The following KATNBL1 variants were observed in gnomAD, a reference collection of about 807,000 sequenced individuals.
The protein encoded by KATNBL1 is KATNB1-like protein 1.
In KATNBL1, 28 loss-of-function variants were observed where a neutral mutation model predicts 44.7. The ratio of observed to expected loss-of-function variants is 0.63; its 90% CI spans 0.46 to 0.86. The LOEUF is 0.86. Among genes scored for constraint, KATNBL1 ranks in the 40% least tolerant of loss-of-function variants. The pLI is 0.00. For synonymous variants in KATNBL1, 78 were observed against 114.9 expected, an observed-to-expected ratio of 0.68 and a Z score of 2.06; for missense variants, 272 against 350.7, an observed-to-expected ratio of 0.78 and a Z score of 1.79.
rs551145782 is a variant in KATNBL1, at chr15:34,165,517, T to C, written c.-14-1827A>G. 3.9e-5 allele frequency among the ~76,000 whole-genome samples: 6 copies of C among 152,184 alleles called. No individual in the cohort carries two copies. The East Asian group carries it at 1.2e-3, about 29-fold the overall frequency. On this transcript the variant is annotated intron_variant, in intron 1 of 9. Transcript: ENST00000256544. ...TGCAAAGCTAAAAGTGGTAACTTGA[T>C]CAGGTGTGGTGGCTCATGCCTGTAA...
At chr15:34,182,570 G>A (rs1889599573) in intron 1 of KATNBL1, among the ~76,000 whole-genome samples, 1 of 151,996 alleles carries the variant, frequency 6.6e-6, no homozygotes, top group African/African-American at 2.4e-5. Flanking sequence ...TCAGTCCCAC[G>A]AATATTGGGA....
At chr15:34,189,799 AAG>A (rs1307547940) in intron 1 of KATNBL1, among the ~76,000 whole-genome samples, 1 of 152,226 alleles carries the variant, frequency 6.6e-6, no homozygotes, top group Non-Finnish European at 1.5e-5. Context: ...TTCTGTTCAA[AAG>A]AGAAAATCAA....
intron 1 of KATNBL1, among the ~76,000 whole-genome samples, chr15:34,177,658 C>T (rs1889377952): frequency 3.2e-5 from 2 of 61,544 alleles, no homozygotes; most frequent in South Asian, 1.2e-3. Flanking sequence ...TTAAACAGCT[C>T]GAAGTGTTCA....
intron 9 of KATNBL1, chr15:34,145,094 C>A: frequency 1.9e-6 from 2 of 1,057,978 alleles, no homozygotes; most frequent in South Asian, 2.9e-5. Flanking sequence ...TTTTCTGATG[C>A]TGTCCTTATT....
At chr15:34,154,734 G>A (rs534358406) in intron 2 of KATNBL1, 50 bp from the exon 3 acceptor site, 51 of 1,244,340 alleles carry the variant, frequency 4.1e-5, no homozygotes, top group African/African-American at 1.5e-4. Context: ...GCTTGGTGCC[G>A]CAAAGAAGAA....
intron 4 of KATNBL1, among the ~76,000 whole-genome samples, chr15:34,149,068 T>C (rs770695905): frequency 6.6e-6 from 1 of 152,250 alleles, no homozygotes; most frequent in Non-Finnish European, 1.5e-5. Flanking sequence ...AGGCTAGTCA[T>C]TACCAACTGA....
chr15:34,172,612 T>G (rs1038654335), intron 1 of KATNBL1, among the ~76,000 whole-genome samples: 1 of 152,154 alleles, frequency 6.6e-6, no homozygotes, highest in Non-Finnish European at 1.5e-5. Flanking sequence ...TACTAAATGT[T>G]GAGACCGCTA....
intron 8 of KATNBL1, chr15:34,145,890 T>G (rs1216960701): frequency 6.6e-6 from 1 of 151,866 alleles, no homozygotes; most frequent in East Asian, 1.9e-4. Flanking sequence ...TTTGGAACAT[T>G]TGGACATTCC....
At chr15:34,145,347 ATAT>A (rs1358195296) in intron 9 of KATNBL1, 48 bp downstream of exon 9, 2 of 1,331,698 alleles carry the variant, frequency 1.5e-6, no homozygotes, top group African/African-American at 3.0e-5. Context: ...TAAATGTAAA[ATAT>A]TATTTCTAAT....
chr15:34,153,019 T>G lies in KATNBL1; in HGVS notation c.209A>C (p.Tyr70Ser). Residue 70 changes from tyrosine to serine, a missense_variant, in exon 4 of 10, where the codon TAT (tyrosine) becomes TCT (serine). Tyr to Ser is a moderately radical substitution (Grantham distance 144, BLOSUM62 -2). Coordinates refer to ENST00000256544, the MANE Select transcript of KATNBL1 (RefSeq NM_024713.3). ...GGGATGATGAACTTTCTTTCTGCGA[T>G]AGATCACTTTACGAAGTTTATCTGG... ...KSPDKLRKVI[Y>S]RRKKVHHPFP... 1 of 1,613,522 alleles carries G rather than the reference T, an allele frequency of 6.2e-7. No individual in the cohort carries two copies. Among genetic ancestry groups the G allele is most frequent in the East Asian group, 2.2e-5 (1 of 44,882 alleles).
intron 9 of KATNBL1, among the ~76,000 whole-genome samples, chr15:34,143,950 G>A (rs1264792226): frequency 1.8e-5 from 2 of 110,054 alleles, no homozygotes; most frequent in Non-Finnish European, 3.3e-5. Context: ...CTGGGCGACA[G>A]AGCGAGATTC....
At chr15:34,177,126 A>C (rs1225441205) in intron 1 of KATNBL1, among the ~76,000 whole-genome samples, 1 of 152,218 alleles carries the variant, frequency 6.6e-6, no homozygotes, top group Non-Finnish European at 1.5e-5. Flanking sequence ...CAATACACTA[A>C]CTGTATATAA....
chr15:34,206,823 A>G (rs958633131), intron 1 of KATNBL1, among the ~76,000 whole-genome samples: 3 of 151,982 alleles, frequency 2.0e-5, no homozygotes, highest in Non-Finnish European at 4.4e-5. Flanking sequence ...AAGTCAAATT[A>G]CACCCTTCCA....
At position 34,141,532 on chromosome 15, in the gene KATNBL1, T is replaced by C. The variant is rs1184565051; in HGVS notation, c.*807A>G. The stretch of plus-strand genomic sequence containing the variant: ...ATGGACATTTCCAGTTAAACATTCA[T>C]ACAAAAACATATTCACCTTTTTCCT... On this transcript the variant is annotated 3_prime_UTR_variant, in exon 10 of 10. Transcript: ENST00000256544. The C allele has an allele frequency of 1.3e-5, 2 of 152,598 alleles. No individual in the cohort carries two copies. Among genetic ancestry groups the C allele is most frequent in the African/African-American group, 4.8e-5 (2 of 41,456 alleles). The allele number at this position is 152,598 out of a possible 1,614,324, so 9.5% of individuals were successfully genotyped here. A position where few individuals can be genotyped will look rare whatever the true frequency, so the allele number is the denominator to read the frequency against.
intron 1 of KATNBL1, among the ~76,000 whole-genome samples, chr15:34,197,244 C>T (rs544390239): frequency 3.9e-5 from 6 of 152,242 alleles, no homozygotes; most frequent in East Asian, 1.9e-4. Flanking sequence ...ATTTTTCTTA[C>T]GTTTAAACTG....
At chr15:34,150,477 C>G (rs543250676) in intron 4 of KATNBL1, among the ~76,000 whole-genome samples, 29 of 152,206 alleles carry the variant, frequency 1.9e-4, no homozygotes, top group African/African-American at 6.5e-4. Context: ...GCCTGTAGTC[C>G]CAGTTACTCT....
At chr15:34,163,430 C>A in intron 2 of KATNBL1, 130 bp downstream of exon 2, 1 of 1,063,912 alleles carries the variant, frequency 9.4e-7, no homozygotes, top group South Asian at 1.6e-5. Context: ...TATATTTCAC[C>A]AATTCAACTT....
intron 2 of KATNBL1, 182 bp from the exon 3 acceptor site, chr15:34,154,866 A>C (rs1015793167): frequency 1.0e-5 from 6 of 590,618 alleles, no homozygotes; most frequent in Non-Finnish European, 1.8e-5. Context: ...TCTTATCCCT[A>C]ATGCAGCTAG....
intron 1 of KATNBL1, among the ~76,000 whole-genome samples, chr15:34,202,291 A>G (rs1262291330): frequency 1.3e-5 from 2 of 152,224 alleles, no homozygotes; most frequent in East Asian, 3.8e-4. Flanking sequence ...TATCTTCATT[A>G]TTTGGACTAA....
Sources: allele counts gnomAD v4.1 joint callset (sites outside exome capture counted in the v4.1 genomes callset), GRCh38; gene constraint gnomAD v4.1.1; transcripts MANE v1.5; gene names NCBI Gene and HGNC (gene_info 2026-07-23, HGNC 2026-07-21).